FOLH1: variants seen among roughly 807,000 people sequenced by gnomAD.
FOLH1 encodes the protein folate hydrolase 1.
Under a neutral mutation model 93.9 loss-of-function variants are expected in FOLH1, and 54 were observed. The ratio of observed to expected loss-of-function variants is 0.57; its 90% CI spans 0.46 to 0.72. The LOEUF (loss-of-function observed/expected upper bound fraction) is 0.72. Ranked by LOEUF, FOLH1 falls within the 30% of genes least tolerant of loss-of-function variation. The probability of loss-of-function intolerance (pLI) is 0.00; values close to 1 mark genes in which losing one functional copy is unlikely to be tolerated. For synonymous variants in FOLH1, 249 were observed against 303.6 expected (o/e 0.82, Z 1.87); for missense variants, 571 against 892.5 (o/e 0.64, Z 4.59).
intron 3 of FOLH1, among the ~76,000 whole-genome samples, chr11:49,194,436 A>G (rs1302469914): frequency 6.6e-6 from 1 of 152,074 alleles, no homozygotes; most frequent in Non-Finnish European, 1.5e-5. Context: ...ATATTAATAA[A>G]CATATTTATC....
At position 49,146,859 on chromosome 11, in the gene FOLH1, C is replaced by T. The variant is rs560179737; in HGVS notation, c.2150G>A (p.Ser717Asn). 8 of 1,613,386 alleles carry T rather than the reference C, an allele frequency of 5.0e-6. No homozygotes were observed. The highest frequency in any genetic ancestry group is 6.8e-6 in the Non-Finnish European group (8 of 1,179,664). Residue 717 changes from serine to asparagine, a missense_variant, in exon 19 of 19, where the codon AGC (serine) becomes AAC (asparagine). Around this residue, in one of 2 missense-constraint regions of FOLH1, gnomAD observed 500 missense variants for 822.9 expected, o/e 0.61. Coordinates refer to ENST00000256999, the MANE Select transcript of FOLH1 (RefSeq NM_004476.3). Reference sequence around the variant, plus strand: ...CCAGGCCTTGGAAGGGTCCACTTTGCTTTCAATATCAAACAGAGCATCATA... The same window carrying T: ...CCAGGCCTTGGAAGGGTCCACTTTGTTTTCAATATCAAACAGAGCATCATA... ...GIYDALFDIE[S>N]KVDPSKAWGE... is the part of the protein sequence containing the mutation.
chr11:49,208,262 CG>C, intron 1 of FOLH1, 29 bp downstream of exon 1: 1 of 1,454,304 alleles, frequency 6.9e-7, no homozygotes, highest in Non-Finnish European at 9.3e-7. Flanking sequence ...GGGAAGACTC[CG>C]AGGTTTGCTC....
At chr11:49,162,497 TA>T (rs1857820537) in intron 13 of FOLH1, among the ~76,000 whole-genome samples, 1 of 152,230 alleles carries the variant, frequency 6.6e-6, no homozygotes, top group Non-Finnish European at 1.5e-5. Flanking sequence ...TGCAATGTTT[TA>T]ACATGATTTT....
chr11:49,206,798 CCA>C, intron 1 of FOLH1: 1 of 1,535,724 alleles, frequency 6.5e-7, no homozygotes, highest in South Asian at 1.2e-5. Context: ...TGCCAGACAC[CCA>C]GTGCACGCAT....
chr11:49,151,109 G>T (rs1590404556), intron 17 of FOLH1, among the ~76,000 whole-genome samples: 1 of 152,310 alleles, frequency 6.6e-6, no homozygotes. Flanking sequence ...ATAGGAGATT[G>T]ATATTGTTCT....
chr11:49,163,311 A>T (rs1313584018), intron 13 of FOLH1, among the ~76,000 whole-genome samples: 1 of 152,106 alleles, frequency 6.6e-6, no homozygotes, highest in Non-Finnish European at 1.5e-5. Context: ...GGCTCCACCC[A>T]TTGATGAGGA....
rs1225637982 is a variant in FOLH1 at position 49,154,272 on chromosome 11, G to T, written c.1844C>A (p.Ser615Tyr). 6.2e-7 allele frequency: 1 copy of T among 1,613,244 alleles called. No individual in the cohort carries two copies. Among genetic ancestry groups the T allele is most frequent in the Non-Finnish European group, 8.5e-7 (1 of 1,179,556 alleles). Residue 615 changes from serine (S) to tyrosine (Y), a missense_variant, in exon 16 of 19, where the codon TCT becomes TAT. Transcript: ENST00000256999. ...RKYADKIYSI[S>Y]MKHPQEMKTY... is the part of the protein sequence containing the mutation. ...CTTCATTTCCTGTGGATGTTTCATA[G>T]AAATACTGTAGATTTTGTCAGCATA... is the stretch of plus-strand genomic sequence containing the variant.
intron 4 of FOLH1, among the ~76,000 whole-genome samples, chr11:49,189,108 T>C (rs1861732187): frequency 6.6e-6 from 1 of 152,188 alleles, no homozygotes; most frequent in South Asian, 2.1e-4. Flanking sequence ...ATGTTTTTCA[T>C]TTATAAAATA....
Position 49,146,926 on chromosome 11 carries a change from T to C in FOLH1, c.2083A>G (p.Ser695Gly), listed in dbSNP as rs1855830557. The change falls in exon 19 of 19, where the codon AGC (serine) becomes GGC (glycine). Residue 695 changes from serine to glycine, a missense_variant. By Grantham distance (56) the Ser-to-Gly change is moderately conservative. Coordinates refer to ENST00000256999, the MANE Select transcript of FOLH1 (RefSeq NM_004476.3). ...TCCCCTGCATACTTGTTGTGGCTGC[T>C]TGGAGCATAGATGACATGCCTGTTG... The part of the protein sequence containing the change: ...PFYRHVIYAP[S>G]SHNKYAGESF... The C allele has an allele frequency of 4.3e-6, 7 of 1,612,390 alleles. No individual in the cohort carries two copies. Among genetic ancestry groups the C allele is most frequent in the Non-Finnish European group, 5.9e-6 (7 of 1,179,076 alleles).
chr11:49,190,875 G>C (rs529670554), intron 4 of FOLH1, among the ~76,000 whole-genome samples: 1 of 152,232 alleles, frequency 6.6e-6, no homozygotes, highest in Admixed American at 6.5e-5. Flanking sequence ...AGGCTGAAGT[G>C]CATACATTTA....
intron 9 of FOLH1, 77 bp downstream of exon 9, chr11:49,174,815 T>G: frequency 1.7e-6 from 2 of 1,196,308 alleles, no homozygotes; most frequent in Middle Eastern, 2.0e-4. Flanking sequence ...TGATTCACTT[T>G]GCACTCCCAG....
intron 2 of FOLH1, among the ~76,000 whole-genome samples, chr11:49,205,192 G>A (rs372067098): frequency 6.7e-6 from 1 of 150,106 alleles, no homozygotes; most frequent in Non-Finnish European, 1.5e-5. Context: ...CAACAAGAGC[G>A]AAACTCCATC....
intron 3 of FOLH1, among the ~76,000 whole-genome samples, chr11:49,196,391 G>T (rs992023488): frequency 6.6e-6 from 1 of 151,882 alleles, no homozygotes; most frequent in African/African-American, 2.4e-5. Context: ...GAGTTTGAAA[G>T]GTTAAAGGAA....
chr11:49,154,387 C>G lies in FOLH1; in HGVS notation c.1729G>C (p.Ala577Pro). 1 of 1,613,274 alleles carries G rather than the reference C, an allele frequency of 6.2e-7. No individual in the cohort carries two copies. The highest frequency in any genetic ancestry group is 8.5e-7 in the Non-Finnish European group (1 of 1,179,552). The part of the protein sequence containing the change: ...DPMFKYHLTV[A>P]QVRGGMVFEL... ...AACACCATCCCTCCTCGAACCTGGG[C>G]CACAGTGAGGTGATATTTAAACATT... The change falls in exon 16 of 19, where the codon GCC becomes CCC. Residue 577 changes from alanine (A) to proline (P), a missense_variant. Around this residue, in one of 2 missense-constraint regions of FOLH1, gnomAD observed 500 missense variants for 822.9 expected, o/e 0.61. Coordinates refer to ENST00000256999, the MANE Select transcript of FOLH1 (RefSeq NM_004476.3).
chr11:49,188,150 C>G (rs1861622836), intron 4 of FOLH1, among the ~76,000 whole-genome samples: 1 of 152,144 alleles, frequency 6.6e-6, no homozygotes, highest in African/African-American at 2.4e-5. Context: ...ATCAGTATAT[C>G]TTTATAAGTC....
intron 3 of FOLH1, among the ~76,000 whole-genome samples, chr11:49,195,525 T>A: frequency 6.6e-6 from 1 of 151,596 alleles, no homozygotes; most frequent in Non-Finnish European, 1.5e-5. Flanking sequence ...AACAGCAAAG[T>A]AAACACAAAG....
At chr11:49,148,848 C>T (rs1856082727) in intron 17 of FOLH1, 117 bp from the exon 18 acceptor site, 1 of 793,424 alleles carries the variant, frequency 1.3e-6, no homozygotes, top group Non-Finnish European at 1.8e-6. Context: ...TCAGGACCAC[C>T]CTCTACACCA....
rs142101634 is a variant in FOLH1, at chr11:49,153,600, G to C, written c.1970+246C>G. ...GTCGAAAGTAGGTCTTTTGAGATGG[G>C]GCAGCCCTACATAGGACGTGCTAGA... On this transcript the variant is annotated intron_variant, in intron 17 of 18. Transcript: ENST00000256999. Among the ~76,000 whole-genome samples, 120 of 152,172 alleles carry C rather than the reference G, an allele frequency of 7.9e-4. 4 individuals are homozygous for C. The East Asian group carries it at 0.012, about 15-fold the overall frequency.
chr11:49,160,246 A>G (rs910877845), intron 13 of FOLH1, among the ~76,000 whole-genome samples: 1 of 151,748 alleles, frequency 6.6e-6, no homozygotes, highest in South Asian at 2.1e-4. Flanking sequence ...TTAGCACTCT[A>G]TTTTTTATTA....
Sources: gnomAD v4.1 joint callset for allele counts (sites outside exome capture counted in the v4.1 genomes callset) on GRCh38, gnomAD v4.1.1 for gene constraint, gnomAD v4.1.1 regional missense constraint, MANE v1.5 for transcripts, NCBI Gene and HGNC (gene_info 2026-07-23, HGNC 2026-07-21) for gene names.